Variants in CAPN13 observed in about 807,000 individuals in gnomAD.
The protein encoded by CAPN13 is calpain 13, also known as calpain-13.
Under a neutral mutation model 98.4 loss-of-function variants are expected in CAPN13, and 90 were observed. That is an observed-to-expected ratio of 0.92 (90% confidence interval 0.77 to 1.09). CAPN13 has a LOEUF of 1.09. Among genes scored for constraint, CAPN13 ranks in the 50% least tolerant of loss-of-function variants. The pLI, the probability that CAPN13 is intolerant of heterozygous loss-of-function variation, is 0.00. For synonymous variants in CAPN13, 330 were observed against 305.5 expected (o/e 1.08, Z -0.84); for missense variants, 887 against 841.3 (o/e 1.05, Z -0.67).
At chr2:30,765,243 T>C (rs552072027) in intron 5 of CAPN13, among the ~76,000 whole-genome samples, 11 of 152,220 alleles carry the variant, frequency 7.2e-5, no homozygotes, top group Non-Finnish European at 1.5e-4. Context: ...ATTGGAAGCG[T>C]TCCATGGAAT....
At chr2:30,793,503 T>C (rs1572881156) in intron 1 of CAPN13, among the ~76,000 whole-genome samples, 1 of 151,810 alleles carries the variant, frequency 6.6e-6, no homozygotes, top group Non-Finnish European at 1.5e-5. Flanking sequence ...ACTGCCAAGA[T>C]GGCAGTTTTT....
intron 11 of CAPN13, 140 bp downstream of exon 11, chr2:30,750,963 A>G (rs960244261): frequency 5.3e-6 from 5 of 947,526 alleles, no homozygotes; most frequent in Admixed American, 5.3e-5. Flanking sequence ...CTTGGACTGC[A>G]TGAATGCTAC....
chr2:30,770,412 T>C lies in CAPN13; in HGVS notation c.425A>G (p.Asp142Gly). Reference protein sequence around the residue: ...QCGQWVEVVIDDRLPVQGDKC... With the variant: ...QCGQWVEVVIGDRLPVQGDKC... ...ATCTCCCTGGACAGGTAGGCGGTCA[T>C]CAATCACCACTTCCACCCACTGGCC... is the stretch of plus-strand genomic sequence containing the variant. The change falls in exon 5 of 23, where the codon GAT (aspartate) becomes GGT (glycine). Residue 142 changes from aspartate (D) to glycine (G), a missense_variant. By Grantham distance (94) the Asp-to-Gly change is moderately conservative. Coordinates refer to ENST00000295055, the MANE Select transcript of CAPN13 (RefSeq NM_144575.3). The C allele has an allele frequency of 1.9e-6, 3 of 1,613,952 alleles. No homozygotes were observed. The highest frequency in any genetic ancestry group is 4.5e-5 in the East Asian group (2 of 44,860).
At chr2:30,796,144 G>GTATA (rs143244491) in intron 1 of CAPN13, among the ~76,000 whole-genome samples, 1,430 of 138,000 alleles carry the variant, frequency 0.01, 15 homozygotes, top group Non-Finnish European at 0.016. Flanking sequence ...ATATATGTGT[G>GTATA]TATATATATA....
At chr2:30,731,182 G>A (rs916755217) in intron 21 of CAPN13, among the ~76,000 whole-genome samples, 162 bp downstream of exon 21, 1 of 152,212 alleles carries the variant, frequency 6.6e-6, no homozygotes, top group African/African-American at 2.4e-5. Context: ...AAGCAGCCTG[G>A]CGGCCAGCGA....
chr2:30,753,478 T>TA (rs1284171422), intron 9 of CAPN13, among the ~76,000 whole-genome samples: 1 of 152,204 alleles, frequency 6.6e-6, no homozygotes, highest in African/African-American at 2.4e-5. Flanking sequence ...GGTGAGCCCT[T>TA]TCATGATCAG....
chr2:30,742,024 T>C, intron 14 of CAPN13, 60 bp from the exon 15 acceptor site: 1 of 1,492,214 alleles, frequency 6.7e-7, no homozygotes, highest in South Asian at 1.1e-5. Flanking sequence ...ACCCATCTGG[T>C]ACAGCAAGGG....
At chr2:30,769,897 C>A (rs947471074) in intron 5 of CAPN13, among the ~76,000 whole-genome samples, 2 of 152,162 alleles carry the variant, frequency 1.3e-5, no homozygotes, top group Non-Finnish European at 2.9e-5. Flanking sequence ...CCTATCCCCT[C>A]TCCCCTTGCT....
intron 1 of CAPN13, among the ~76,000 whole-genome samples, chr2:30,805,447 G>A (rs1323549851): frequency 6.6e-6 from 1 of 152,090 alleles, no homozygotes; most frequent in African/African-American, 2.4e-5. Context: ...TAGCACTTAA[G>A]CTTTGCCTCA....
intron 19 of CAPN13, among the ~76,000 whole-genome samples, chr2:30,733,861 T>C (rs2147949949): frequency 1.3e-5 from 2 of 152,290 alleles, no homozygotes; most frequent in Admixed American, 1.3e-4. Context: ...ATTGGGACAG[T>C]AGAGGTAATG....
chr2:30,785,522 C>G (rs868659434), intron 2 of CAPN13, among the ~76,000 whole-genome samples: 5 of 152,178 alleles, frequency 3.3e-5, no homozygotes, highest in Admixed American at 1.3e-4. Context: ...ATGGGAAAAG[C>G]AGATTCGGCC....
At chr2:30,802,065 G>A (rs1314314682) in intron 1 of CAPN13, among the ~76,000 whole-genome samples, 2 of 152,162 alleles carry the variant, frequency 1.3e-5, no homozygotes, top group African/African-American at 4.8e-5. Flanking sequence ...CGGTTACCTG[G>A]GCATCCCAGT....
At chr2:30,785,573 T>A (rs1260354333) in intron 2 of CAPN13, among the ~76,000 whole-genome samples, 2 of 152,218 alleles carry the variant, frequency 1.3e-5, no homozygotes, top group East Asian at 3.9e-4. Context: ...TTATTCTTTA[T>A]AAGTAATTTC....
chr2:30,738,607 G>T, intron 15 of CAPN13, 150 bp from the exon 16 acceptor site: 1 of 791,188 alleles, frequency 1.3e-6, no homozygotes, highest in Non-Finnish European at 2.1e-6. Context: ...TTACCTGATG[G>T]CTGCCAGCCA....
chr2:30,794,119 T>C (rs1186893185), intron 1 of CAPN13, among the ~76,000 whole-genome samples: 1 of 150,668 alleles, frequency 6.6e-6, no homozygotes, highest in Non-Finnish European at 1.5e-5. Flanking sequence ...AAAATGCAAA[T>C]TTCAGACTAC....
At chr2:30,773,746 C>T (rs952349820) in intron 4 of CAPN13, among the ~76,000 whole-genome samples, 3 of 152,160 alleles carry the variant, frequency 2.0e-5, no homozygotes, top group African/African-American at 7.2e-5. Context: ...CAAACAATAA[C>T]TATGGGAGGA....
rs575827174 is a variant in CAPN13, at chr2:30,758,932, TCCTC to T, written c.775-799_775-796del. 4.0e-3 allele frequency among the ~76,000 whole-genome samples: 571 copies of T among 141,366 alleles called. 1 individual carries two copies. Among genetic ancestry groups the T allele is most frequent in the Middle Eastern group, 0.023 (6 of 266 alleles). 92.7% of individuals were successfully genotyped at this position (141,366 alleles called of 152,430 possible). A position where few individuals can be genotyped will look rare whatever the true frequency, so the allele number is the denominator to read the frequency against. Reference sequence around the variant, plus strand: ...CTTCCCTTCTTTCTTTCCTTCCTTTTCCTCCCTCCCTCCCTTTCTTCCCTCCTTC... The same window carrying T: ...CTTCCCTTCTTTCTTTCCTTCCTTTTCCTCCCTCCCTTTCTTCCCTCCTTC... On this transcript the variant is annotated intron_variant, in intron 7 of 22. Coordinates refer to ENST00000295055, the MANE Select transcript of CAPN13 (RefSeq NM_144575.3).
chr2:30,759,594 T>C (rs1672724705), intron 7 of CAPN13, among the ~76,000 whole-genome samples: 1 of 152,146 alleles, frequency 6.6e-6, no homozygotes, highest in African/African-American at 2.4e-5. Context: ...TATCGCTGTG[T>C]GGAAGACAAG....
At chr2:30,776,253 A>G (rs539087757) in intron 3 of CAPN13, among the ~76,000 whole-genome samples, 2 of 152,274 alleles carry the variant, frequency 1.3e-5, no homozygotes, top group South Asian at 4.1e-4. Context: ...GGTGGTGTTC[A>G]TGGAGTCTCG....
Sources: allele counts gnomAD v4.1 joint callset (sites outside exome capture counted in the v4.1 genomes callset), GRCh38; gene constraint gnomAD v4.1.1; transcripts MANE v1.5; gene names NCBI Gene and HGNC (gene_info 2026-07-23, HGNC 2026-07-21).